ACTR2: variants seen among roughly 807,000 people sequenced by gnomAD.
ACTR2 encodes actin related protein 2.
Under a neutral mutation model 50.2 loss-of-function variants are expected in ACTR2, and 5 were observed. The ratio of observed to expected loss-of-function variants is 0.10; its 90% CI spans 0.05 to 0.21. The LOEUF is 0.21. ACTR2 is among the 10% of genes least tolerant of loss of function. ACTR2 has a pLI of 1.00. For missense variants in ACTR2, 180 were observed against 480.6 expected, an observed-to-expected ratio of 0.37 and a Z score of 5.85; for synonymous variants, 140 against 162.9, an observed-to-expected ratio of 0.86 and a Z score of 1.07.
At chr2:65,248,390 A>G (rs970901719) in intron 3 of ACTR2, among the ~76,000 whole-genome samples, 1 of 151,902 alleles carries the variant, frequency 6.6e-6, no homozygotes, top group Non-Finnish European at 1.5e-5. Context: ...ACAGGGTGAG[A>G]CTCAGTCTCA....
At chr2:65,268,079 C>T (rs548477460) in intron 8 of ACTR2, among the ~76,000 whole-genome samples, 36 of 151,650 alleles carry the variant, frequency 2.4e-4, no homozygotes, top group Non-Finnish European at 4.0e-4. Context: ...CCTCGTGATC[C>T]GCCCGCCTTG....
chr2:65,262,343 C>T (rs1672283582), intron 7 of ACTR2, among the ~76,000 whole-genome samples: 1 of 152,016 alleles, frequency 6.6e-6, no homozygotes, highest in African/African-American at 2.4e-5. Context: ...GATTCTCCTG[C>T]CTCAGCCTCC....
chr2:65,230,480 C>T (rs1038085904), intron 1 of ACTR2, among the ~76,000 whole-genome samples: 1 of 142,912 alleles, frequency 7.0e-6, no homozygotes, highest in African/African-American at 2.6e-5. Context: ...GGCGTGATCT[C>T]GGCTCTCTGC....
intron 3 of ACTR2, among the ~76,000 whole-genome samples, chr2:65,249,610 C>G (rs1046932461): frequency 3.3e-5 from 5 of 152,024 alleles, no homozygotes; most frequent in African/African-American, 4.8e-5. Flanking sequence ...GTGTAATTTT[C>G]ATTGTGGTCA....
At chr2:65,247,564 G>A (rs1289105389) in intron 3 of ACTR2, among the ~76,000 whole-genome samples, 1 of 152,030 alleles carries the variant, frequency 6.6e-6, no homozygotes, top group Non-Finnish European at 1.5e-5. Flanking sequence ...CTCCAGCCTG[G>A]GCGACAGAGC....
chr2:65,235,766 A>G (rs537904884), intron 1 of ACTR2, among the ~76,000 whole-genome samples: 34 of 152,298 alleles, frequency 2.2e-4, no homozygotes, highest in African/African-American at 7.7e-4. Context: ...ATAAAATAAA[A>G]TAAAATAATC....
At chr2:65,253,033 A>G (rs1672082609) in intron 4 of ACTR2, among the ~76,000 whole-genome samples, 2 of 152,216 alleles carry the variant, frequency 1.3e-5, no homozygotes, top group Admixed American at 1.3e-4. Flanking sequence ...TTTTTCTTAG[A>G]TTTCTAGCTG....
At chr2:65,255,509 A>G in intron 5 of ACTR2, 36 bp from the exon 6 acceptor site, 1 of 1,584,672 alleles carries the variant, frequency 6.3e-7, no homozygotes. Context: ...ACTCATTCAG[A>G]TGTATTATGA....
At chr2:65,245,387 G>T (rs1671916615) in intron 2 of ACTR2, among the ~76,000 whole-genome samples, 3 of 152,014 alleles carry the variant, frequency 2.0e-5, no homozygotes, top group Admixed American at 1.3e-4. Context: ...AGGCGTGGTG[G>T]CAGGTGCCTG....
rs112677765 is a variant in ACTR2 at position 65,268,055 on chromosome 2, T to A, written c.1015-509T>A. 4.9e-3 allele frequency among the ~76,000 whole-genome samples: 746 copies of A among 151,810 alleles called. 5 individuals are homozygous for A. The highest frequency in any genetic ancestry group is 0.017 in the African/African-American group (709 of 41,404). Reference sequence around the variant, plus strand: ...GGTTTCACTGTGTTAGCCAGGATGGTCTCGATCTCCTGACCTCGTGATCCG... The same window carrying A: ...GGTTTCACTGTGTTAGCCAGGATGGACTCGATCTCCTGACCTCGTGATCCG... On this transcript the variant is annotated intron_variant, in intron 8 of 8. Transcript: ENST00000260641.
At chr2:65,239,696 G>A (rs1671807168) in intron 1 of ACTR2, among the ~76,000 whole-genome samples, 156 bp from the exon 2 acceptor site, 1 of 152,224 alleles carries the variant, frequency 6.6e-6, no homozygotes, top group Admixed American at 6.5e-5. Flanking sequence ...GTTAAAAGGA[G>A]ATGTTGCGAT....
At chr2:65,259,683 C>G (rs956316669) in intron 6 of ACTR2, among the ~76,000 whole-genome samples, 9 of 152,110 alleles carry the variant, frequency 5.9e-5, no homozygotes, top group Non-Finnish European at 1.0e-4. Context: ...GAGCCACGAT[C>G]AAGCCACTAC....
chr2:65,242,950 T>C (rs1470836899), intron 2 of ACTR2, among the ~76,000 whole-genome samples: 1 of 152,202 alleles, frequency 6.6e-6, no homozygotes, highest in African/African-American at 2.4e-5. Flanking sequence ...AAATAAAAGA[T>C]CATAACATTT....
At chr2:65,255,999 C>G (rs146773357) in intron 6 of ACTR2, among the ~76,000 whole-genome samples, 96 of 152,280 alleles carry the variant, frequency 6.3e-4, no homozygotes, top group African/African-American at 2.3e-3. Context: ...TTTTACAGAA[C>G]TTTATTTCCC....
At chr2:65,238,784 A>G (rs1476386072) in intron 1 of ACTR2, among the ~76,000 whole-genome samples, 1 of 151,686 alleles carries the variant, frequency 6.6e-6, no homozygotes, top group Non-Finnish European at 1.5e-5. Flanking sequence ...CATGGCCAAC[A>G]TGGTGAAACC....
intron 4 of ACTR2, 59 bp from the exon 5 acceptor site, chr2:65,253,669 C>G (rs1474853828): frequency 1.9e-6 from 3 of 1,572,806 alleles, no homozygotes; most frequent in Non-Finnish European, 2.6e-6. Context: ...ATTTGGAACT[C>G]GCTGGCTTTG....
chr2:65,256,331 T>C (rs1672148298), intron 6 of ACTR2, among the ~76,000 whole-genome samples: 2 of 152,316 alleles, frequency 1.3e-5, no homozygotes, highest in Non-Finnish European at 2.9e-5. Flanking sequence ...TAATGAGATT[T>C]AGTACCTGGT....
At chr2:65,230,131 A>C (rs1422006482) in intron 1 of ACTR2, among the ~76,000 whole-genome samples, 1 of 152,218 alleles carries the variant, frequency 6.6e-6, no homozygotes, top group Non-Finnish European at 1.5e-5. Flanking sequence ...CGCATGTTAC[A>C]TGTGCGGCTA....
chr2:65,238,653 T>G (rs1671783945), intron 1 of ACTR2, among the ~76,000 whole-genome samples: 1 of 79,118 alleles, frequency 1.3e-5, no homozygotes, highest in African/African-American at 5.8e-5. Context: ...AGCGAGACTG[T>G]CTAAAAAAAA....
Sources: allele counts gnomAD v4.1 joint callset (sites outside exome capture counted in the v4.1 genomes callset), GRCh38; gene constraint gnomAD v4.1.1; transcripts MANE v1.5; gene names NCBI Gene and HGNC (gene_info 2026-07-23, HGNC 2026-07-21).